Variants in ATP9A observed in about 807,000 individuals in gnomAD.
The protein encoded by ATP9A is probable phospholipid-transporting ATPase IIA.
A neutral mutation model predicts 144.1 loss-of-function variants in ATP9A; 52 were observed. That is an observed-to-expected ratio of 0.36 (90% CI 0.29 to 0.45). The LOEUF (loss-of-function observed/expected upper bound fraction) is 0.45. Ranked by LOEUF, ATP9A falls within the 20% of genes least tolerant of loss-of-function variation. The probability of loss-of-function intolerance (pLI) is 1.00; values close to 1 mark genes in which losing one functional copy is unlikely to be tolerated. For missense variants in ATP9A, 947 were observed against 1,392.7 expected, an observed-to-expected ratio of 0.68 and a Z score of 5.09; for synonymous variants, 582 against 557.4, an observed-to-expected ratio of 1.04 and a Z score of -0.62.
At chr20:51,609,424 C>T (rs1390108414) in intron 24 of ATP9A, among the ~76,000 whole-genome samples, 2 of 152,150 alleles carry the variant, frequency 1.3e-5, no homozygotes, top group Non-Finnish European at 2.9e-5. Flanking sequence ...CCGCCGTCTC[C>T]TCATAACCAG....
chr20:51,730,034 A>G, intron 1 of ATP9A, 56 bp from the exon 2 acceptor site: 1 of 1,402,674 alleles, frequency 7.1e-7, no homozygotes, highest in Non-Finnish European at 9.3e-7. Context: ...GGCTGTGCTC[A>G]TGTCTGCCCA....
chr20:51,619,611 G>A lies in ATP9A; in HGVS notation c.2116-568C>T, dbSNP rs1442000935. On this transcript the variant is annotated intron_variant, in intron 19 of 27. Transcript: ENST00000338821. ...GGGCCAGGTACGGTGGCTCACACCTGTAATCTCAGCACCTTGGGAGGCTGA... is the reference window on the plus strand; with the variant it reads ...GGGCCAGGTACGGTGGCTCACACCTATAATCTCAGCACCTTGGGAGGCTGA... 3.4e-5 allele frequency among the ~76,000 whole-genome samples: 5 copies of A among 145,994 alleles called. No individual in the cohort carries two copies. In the East Asian group the frequency reaches 6.0e-4, roughly 18 times the overall value.
At chr20:51,632,228 T>C (rs1380468951) in intron 15 of ATP9A, among the ~76,000 whole-genome samples, 1 of 152,090 alleles carries the variant, frequency 6.6e-6, no homozygotes, top group African/African-American at 2.4e-5. Context: ...ACTACAGGTG[T>C]GCACCACCAT....
intron 13 of ATP9A, among the ~76,000 whole-genome samples, chr20:51,658,648 T>G (rs916839502): frequency 3.3e-5 from 5 of 150,446 alleles, no homozygotes; most frequent in African/African-American, 4.9e-5. Context: ...GCCTCCCGAG[T>G]AGCTGGCATT....
chr20:51,725,578 T>G (rs1568837319), intron 3 of ATP9A, among the ~76,000 whole-genome samples: 1 of 152,198 alleles, frequency 6.6e-6, no homozygotes, highest in Admixed American at 6.5e-5. Flanking sequence ...GTTGAGATAA[T>G]GCAAGACCCA....
intron 14 of ATP9A, among the ~76,000 whole-genome samples, chr20:51,656,076 G>A (rs1416716968): frequency 6.6e-6 from 1 of 152,114 alleles, no homozygotes; most frequent in Non-Finnish European, 1.5e-5. Flanking sequence ...TCTGTCATAG[G>A]CAAATCTATA....
chr20:51,602,817 T>C (rs1364529190), intron 27 of ATP9A, among the ~76,000 whole-genome samples: 1 of 152,232 alleles, frequency 6.6e-6, no homozygotes, highest in Non-Finnish European at 1.5e-5. Flanking sequence ...CTTCTCCTAA[T>C]TGACCACCTC....
intron 4 of ATP9A, among the ~76,000 whole-genome samples, chr20:51,706,331 C>G (rs939425670): frequency 1.3e-5 from 2 of 152,246 alleles, no homozygotes; most frequent in Non-Finnish European, 2.9e-5. Flanking sequence ...GCTAGCTCAT[C>G]ATCCAAGACA....
At chr20:51,657,353 GAGAC>G (rs2077391613) in intron 13 of ATP9A, among the ~76,000 whole-genome samples, 1 of 151,848 alleles carries the variant, frequency 6.6e-6, no homozygotes, top group African/African-American at 2.4e-5. Flanking sequence ...AAAAGAAAAA[GAGAC>G]AGAGGAAAAA....
intron 25 of ATP9A, 102 bp downstream of exon 25, chr20:51,608,416 G>C: frequency 1.3e-6 from 1 of 798,452 alleles, no homozygotes; most frequent in Non-Finnish European, 2.2e-6. Context: ...GAATTGGAGG[G>C]TCTGTGTGAA....
At chr20:51,651,261 TTATATAA>T (rs2077363966) in intron 14 of ATP9A, among the ~76,000 whole-genome samples, 1 of 123,942 alleles carries the variant, frequency 8.1e-6, no homozygotes, top group Non-Finnish European at 1.8e-5. Flanking sequence ...ACATAATATA[TTATATAA>T]TATATATTTA....
intron 13 of ATP9A, among the ~76,000 whole-genome samples, chr20:51,658,877 A>T (rs1342887126): frequency 1.7e-5 from 1 of 60,598 alleles, no homozygotes; most frequent in East Asian, 7.9e-4. Context: ...AATGAAAATT[A>T]AGACCACTGG....
rs942863883 is a variant in ATP9A, at chr20:51,600,223, A to G, written c.*988T>C. 1.3e-5 allele frequency: 2 copies of G among 152,204 alleles called. No homozygotes were observed. The highest frequency in any genetic ancestry group is 6.5e-5 in the Admixed American group (1 of 15,272). 9.4% of individuals were successfully genotyped at this position (152,204 alleles called of 1,614,324 possible). ...CTTCCATTATGCCTCCTAACAGGAAACAGGCTTCTATGGAAGAGAAGAGTC... is the reference window on the plus strand; with the variant it reads ...CTTCCATTATGCCTCCTAACAGGAAGCAGGCTTCTATGGAAGAGAAGAGTC... On this transcript the variant is annotated 3_prime_UTR_variant, in exon 28 of 28. Coordinates refer to ENST00000338821, the MANE Select transcript of ATP9A (RefSeq NM_006045.3).
intron 13 of ATP9A, among the ~76,000 whole-genome samples, chr20:51,663,125 C>T (rs1213216204): frequency 1.3e-5 from 2 of 152,046 alleles, no homozygotes; most frequent in Non-Finnish European, 1.5e-5. Context: ...CAAAGAATGC[C>T]GTACAGCCCA....
At chr20:51,706,894 T>C (rs2077616782) in intron 4 of ATP9A, among the ~76,000 whole-genome samples, 1 of 152,172 alleles carries the variant, frequency 6.6e-6, no homozygotes, top group African/African-American at 2.4e-5. Flanking sequence ...CTTTTTCCTA[T>C]AGCATGCCTG....
chr20:51,637,958 T>G (rs2077299945), intron 15 of ATP9A, among the ~76,000 whole-genome samples: 1 of 149,966 alleles, frequency 6.7e-6, no homozygotes, highest in African/African-American at 2.5e-5. Flanking sequence ...CATACGACAT[T>G]TGGCTTTCCA....
At chr20:51,754,793 G>A (rs966360515) in intron 1 of ATP9A, among the ~76,000 whole-genome samples, 1 of 151,806 alleles carries the variant, frequency 6.6e-6, no homozygotes, top group Non-Finnish European at 1.5e-5. Flanking sequence ...TCCATCCTGG[G>A]CAACAGAGTG....
intron 4 of ATP9A, among the ~76,000 whole-genome samples, chr20:51,703,236 G>A (rs1481257652): frequency 6.6e-6 from 1 of 152,146 alleles, no homozygotes; most frequent in Non-Finnish European, 1.5e-5. Flanking sequence ...CAGAAGGGAA[G>A]TAAAAACACC....
At chr20:51,712,323 C>T (rs1674807323) in intron 4 of ATP9A, among the ~76,000 whole-genome samples, 1 of 152,162 alleles carries the variant, frequency 6.6e-6, no homozygotes, top group Admixed American at 6.5e-5. Flanking sequence ...ATCAGCCCGC[C>T]TCGGCCTCCC....
Sources: allele counts gnomAD v4.1 joint callset (sites outside exome capture counted in the v4.1 genomes callset), GRCh38; gene constraint gnomAD v4.1.1; transcripts MANE v1.5; gene names NCBI Gene and HGNC (gene_info 2026-07-23, HGNC 2026-07-21).